Variants in NAA30 observed in about 807,000 individuals in gnomAD.
NAA30 encodes N-alpha-acetyltransferase 30, NatC catalytic subunit.
In NAA30, 5 loss-of-function variants were observed where a neutral mutation model predicts 31.4. That is an observed-to-expected ratio of 0.16 (90% CI 0.08 to 0.33). NAA30 has a LOEUF of 0.33. NAA30 is among the 10% of genes least tolerant of loss of function. The pLI is 1.00. For missense variants in NAA30, 428 were observed against 490.8 expected (o/e 0.87, Z 1.21); for synonymous variants, 222 against 207.1 (o/e 1.07, Z -0.62).
At chr14:57,401,182 C>G (rs1345134951) in intron 4 of NAA30, among the ~76,000 whole-genome samples, 1 of 152,010 alleles carries the variant, frequency 6.6e-6, no homozygotes, top group Non-Finnish European at 1.5e-5. Context: ...TTAACAATAT[C>G]TCATGAATGC....
At chr14:57,400,406 G>A (rs2066470229) in intron 4 of NAA30, among the ~76,000 whole-genome samples, 3 of 152,162 alleles carry the variant, frequency 2.0e-5, no homozygotes, top group South Asian at 4.1e-4. Context: ...ATATTTCTTT[G>A]TATCCTACTG....
In NAA30 at chr14:57,391,237, C is replaced by T. The variant is rs1300384782; in HGVS notation, c.280C>T (p.His94Tyr). The change falls in exon 2 of 5, where the codon CAC becomes TAC. Residue 94 changes from histidine (H) to tyrosine (Y), a missense_variant. Physicochemically the swap from His to Tyr is moderately conservative, Grantham distance 83 (BLOSUM62 2). This residue lies in a region of NAA30 where 349 missense variants were observed against 310.4 expected (regional missense o/e 1.12). Coordinates refer to ENST00000556492, the MANE Select transcript of NAA30 (RefSeq NM_001011713.3). This position sits in a 1 kb window ranked among gnomAD's most constrained non-coding sequence, Gnocchi z 4.1. ...CGGATTGATTAGCCCCGAACTGCGG[C>T]ACCTCCGGGCGGCCGCCTCCCTCAA... ...LNGLISPELR[H>Y]LRAAASLKSK... The T allele has an allele frequency of 1.2e-6, 2 of 1,612,226 alleles. No individual in the cohort carries two copies. The highest frequency in any genetic ancestry group is 1.7e-6 in the Non-Finnish European group (2 of 1,179,832).
At position 57,410,761 on chromosome 14, in the gene NAA30, G is replaced by C. The variant is rs757970306; in HGVS notation, c.*1245G>C. ...TTCTTAACAGCCACCATGTTTATTA[G>C]TTACATTGTGTTTTGGCCAATCAGT... On this transcript the variant is annotated 3_prime_UTR_variant, in exon 5 of 5. Coordinates refer to ENST00000556492, the MANE Select transcript of NAA30 (RefSeq NM_001011713.3). The C allele has an allele frequency of 6.6e-6, 1 of 152,272 alleles. No homozygotes were observed. Among genetic ancestry groups the C allele is most frequent in the Non-Finnish European group, 1.5e-5 (1 of 67,924 alleles). The allele number at this position is 152,272 out of a possible 1,614,324, so 9.4% of individuals were successfully genotyped here.
At chr14:57,403,189 A>T (rs973712644) in intron 4 of NAA30, among the ~76,000 whole-genome samples, 1 of 151,554 alleles carries the variant, frequency 6.6e-6, no homozygotes, top group Admixed American at 6.6e-5. Flanking sequence ...AAAGAAAGAG[A>T]TACATTTGGA....
chr14:57,395,226 C>T (rs1009594155), intron 2 of NAA30, among the ~76,000 whole-genome samples: 18 of 152,112 alleles, frequency 1.2e-4, no homozygotes, highest in African/African-American at 4.3e-4. Flanking sequence ...TGTTGAATTT[C>T]ATATTCCTTC....
intron 1 of NAA30, 107 bp from the exon 2 acceptor site, chr14:57,390,850 C>T (rs962356191): frequency 1.7e-6 from 2 of 1,150,362 alleles, no homozygotes; most frequent in Non-Finnish European, 2.3e-6. Flanking sequence ...GGGACGGTTT[C>T]TGCCTTTGTT....
chr14:57,406,623 T>G lies in NAA30; in HGVS notation c.952-2756T>G, dbSNP rs574317921. Among the ~76,000 whole-genome samples the G allele has an allele frequency of 3.3e-5, 5 of 152,328 alleles. No individual in the cohort carries two copies. In the South Asian group the frequency reaches 8.3e-4, roughly 25 times the overall value. ...GCACATAGTACAGCTCCAATAAATATTAGCTGTCATATTTTAAAATTGTCA... is the reference window on the plus strand; with the variant it reads ...GCACATAGTACAGCTCCAATAAATAGTAGCTGTCATATTTTAAAATTGTCA... On this transcript the variant is annotated intron_variant, in intron 4 of 4. Coordinates refer to ENST00000556492, the MANE Select transcript of NAA30 (RefSeq NM_001011713.3).
intron 3 of NAA30, among the ~76,000 whole-genome samples, 188 bp downstream of exon 3, chr14:57,397,063 A>G (rs576800541): frequency 6.6e-6 from 1 of 152,318 alleles, no homozygotes. Context: ...TTTTTTCTTT[A>G]TTAATGTTTT....
chr14:57,400,475 A>G (rs1408873757), intron 4 of NAA30, among the ~76,000 whole-genome samples: 1 of 152,220 alleles, frequency 6.6e-6, no homozygotes, highest in African/African-American at 2.4e-5. Context: ...TGGGAATGTT[A>G]ACATTTACTG....
Position 57,413,235 on chromosome 14 carries a change from A to G in NAA30, c.*3719A>G, listed in dbSNP as rs1368036306. ...GCTGTGAATACTTCTGTATGTCAAG[A>G]TTTTCGGATTTTAGTGGAAGGATGA... On this transcript the variant is annotated 3_prime_UTR_variant, in exon 5 of 5. Transcript: ENST00000556492. 6.6e-6 allele frequency: 1 copy of G among 151,742 alleles called. No individual in the cohort carries two copies. Among genetic ancestry groups the G allele is most frequent in the Non-Finnish European group, 1.5e-5 (1 of 67,978 alleles). The allele number at this position is 151,742 out of a possible 1,614,324, so 9.4% of individuals were successfully genotyped here.
At chr14:57,394,896 G>A (rs1035821104) in intron 2 of NAA30, among the ~76,000 whole-genome samples, 4 of 152,066 alleles carry the variant, frequency 2.6e-5, no homozygotes, top group African/African-American at 4.8e-5. Context: ...CATTTCACCT[G>A]AGCCTGGCTT....
In NAA30 at chr14:57,391,308, C is replaced by A; in HGVS notation, c.351C>A (p.Thr117=). The A allele has an allele frequency of 6.2e-7, 1 of 1,611,062 alleles. No individual in the cohort carries two copies. Among genetic ancestry groups the A allele is most frequent in the Non-Finnish European group, 8.5e-7 (1 of 1,179,134 alleles). The change falls in exon 2 of 5, where the codon ACC becomes ACA. Residue 117 remains threonine, a synonymous_variant. Coordinates refer to ENST00000556492, the MANE Select transcript of NAA30 (RefSeq NM_001011713.3). The surrounding 1 kb of genome is among the most constrained non-coding windows in gnomAD (Gnocchi z 4.1). ...SVAEVAATTA[T]PDGGPRATAT... Reference sequence around the variant, plus strand: ...CAGAGGTGGCCGCGACCACAGCCACCCCTGACGGAGGCCCCAGAGCGACTG... The same window carrying A: ...CAGAGGTGGCCGCGACCACAGCCACACCTGACGGAGGCCCCAGAGCGACTG...
rs77940271 is a variant in NAA30 at position 57,409,474 on chromosome 14, A to G, written c.1047A>G (p.Leu349=). Residue 349 remains leucine (L), a synonymous_variant, in exon 5 of 5, where the codon TTA becomes TTG. Coordinates refer to ENST00000556492, the MANE Select transcript of NAA30 (RefSeq NM_001011713.3). ...ATAAGAGGCTGTTCAGATACTATTT[A>G]AATGGAGTTGATGCACTGCGACTTA... ...VRDKRLFRYY[L]NGVDALRLKL... The G allele has an allele frequency of 6.2e-7, 1 of 1,610,300 alleles. No homozygotes were observed. The highest frequency in any genetic ancestry group is 2.2e-5 in the East Asian group (1 of 44,710).
intron 4 of NAA30, among the ~76,000 whole-genome samples, chr14:57,401,072 A>AT (rs2066474803): frequency 6.6e-6 from 1 of 152,026 alleles, no homozygotes; most frequent in African/African-American, 2.4e-5. Context: ...GCTTTCTCTC[A>AT]TTTTTTAAAC....
chr14:57,391,785 C>A lies in NAA30; in HGVS notation c.771+57C>A. On this transcript the variant is annotated intron_variant, in intron 2 of 4. Transcript: ENST00000556492. The surrounding 1 kb of genome is among the most constrained non-coding windows in gnomAD (Gnocchi z 4.1). ...CAGCAGTGATCGAGACTGTGCGGGG[C>A]AGGGAGTGAGGGCCCAGAATGTGGC... is the stretch of plus-strand genomic sequence containing the variant. 1 of 1,437,494 alleles carries A rather than the reference C, an allele frequency of 7.0e-7. No homozygotes were observed. Among genetic ancestry groups the A allele is most frequent in the Non-Finnish European group, 9.5e-7 (1 of 1,057,164 alleles). The allele number at this position is 1,437,494 out of a possible 1,614,324, so 89.0% of individuals were successfully genotyped here. A position where few individuals can be genotyped will look rare whatever the true frequency, so the allele number is the denominator to read the frequency against.
chr14:57,394,959 G>GTGA (rs2066444680), intron 2 of NAA30, among the ~76,000 whole-genome samples: 1 of 152,074 alleles, frequency 6.6e-6, no homozygotes, highest in Non-Finnish European at 1.5e-5. Context: ...CATTTGGTCT[G>GTGA]TGATAATTTT....
chr14:57,403,214 C>G (rs926458836), intron 4 of NAA30, among the ~76,000 whole-genome samples: 4 of 144,718 alleles, frequency 2.8e-5, no homozygotes, highest in African/African-American at 1.0e-4. Flanking sequence ...TCCGTGAAAC[C>G]TTACTGTGCT....
In NAA30 at chr14:57,414,412, C is replaced by T. The variant is rs1213703979; in HGVS notation, c.*4896C>T. 6.6e-6 allele frequency: 1 copy of T among 152,160 alleles called. No homozygotes were observed. The highest frequency in any genetic ancestry group is 1.5e-5 in the Non-Finnish European group (1 of 68,038). 9.4% of individuals were successfully genotyped at this position (152,160 alleles called of 1,614,324 possible). On this transcript the variant is annotated 3_prime_UTR_variant, in exon 5 of 5. Transcript: ENST00000556492. ...TTTCAGATTTTATTGTTGGAAGTTC[C>T]TTGGGTTGCAGAGATGCAGATTCAA...
chr14:57,398,621 C>A (rs2066460848), intron 3 of NAA30, among the ~76,000 whole-genome samples: 2 of 134,078 alleles, frequency 1.5e-5, no homozygotes, highest in African/African-American at 2.5e-5. Context: ...CCACACCCAG[C>A]TGATTTATTT....
Sources: gnomAD v4.1 joint callset for allele counts (sites outside exome capture counted in the v4.1 genomes callset) on GRCh38, gnomAD v4.1.1 for gene constraint, gnomAD v4.1.1 regional missense constraint, Gnocchi (gnomAD v3.1) non-coding constraint, MANE v1.5 for transcripts, NCBI Gene and HGNC (gene_info 2026-07-23, HGNC 2026-07-21) for gene names.